Variants in RXRA observed in about 807,000 individuals in gnomAD.
The protein encoded by RXRA is retinoic acid receptor RXR-alpha.
Under a neutral mutation model 44.5 loss-of-function variants are expected in RXRA, and 5 were observed. The observed-to-expected ratio is 0.11, with a 90% CI of 0.06 to 0.24. RXRA has a LOEUF of 0.24. Among genes scored for constraint, RXRA ranks in the 10% least tolerant of loss-of-function variants. The pLI, the probability that RXRA is intolerant of heterozygous loss-of-function variation, is 1.00. For synonymous variants in RXRA, 291 were observed against 271.4 expected, an observed-to-expected ratio of 1.07 and a Z score of -0.71; for missense variants, 412 against 646.5, an observed-to-expected ratio of 0.64 and a Z score of 3.93.
At position 134,409,174 on chromosome 9, in the gene RXRA, C is replaced by T. The variant is rs558267358; in HGVS notation, c.610+55C>T. The T allele has an allele frequency of 1.5e-5, 22 of 1,473,282 alleles. 1 individual carries two copies. The South Asian group carries it at 2.8e-4, about 19-fold the overall frequency. 91.3% of individuals were successfully genotyped at this position (1,473,282 alleles called of 1,614,324 possible). On this transcript the variant is annotated intron_variant, in intron 4 of 9. Coordinates refer to ENST00000481739, the MANE Select transcript of RXRA (RefSeq NM_002957.6). ...GCAGGTGTTGGACAAACAGTGGGGC[C>T]CGGGCTTGTGCGTGGACACCCGAGA...
At chr9:134,398,564 A>G (rs10732638) in intron 1 of RXRA, among the ~76,000 whole-genome samples, 129,519 of 152,202 alleles carry the variant, frequency 0.85, 55,477 homozygotes, top group African/African-American at 0.95. Flanking sequence ...GGCTGGGAGC[A>G]GGGCCCAGGG....
At chr9:134,378,982 T>C (rs1349305817) in intron 1 of RXRA, among the ~76,000 whole-genome samples, 1 of 152,224 alleles carries the variant, frequency 6.6e-6, no homozygotes, top group Non-Finnish European at 1.5e-5. Context: ...AACACACGTC[T>C]CTTGCCTTCC....
chr9:134,402,021 G>A, intron 2 of RXRA, 139 bp downstream of exon 2: 1 of 731,622 alleles, frequency 1.4e-6, no homozygotes. Context: ...AGTATACAGA[G>A]CCTCGGGGAG....
chr9:134,420,816 C>T (rs552304290), intron 5 of RXRA, among the ~76,000 whole-genome samples: 13 of 152,346 alleles, frequency 8.5e-5, no homozygotes, highest in Admixed American at 7.8e-4. Flanking sequence ...GGGGCCTCCC[C>T]TCCTGCCCTG....
intron 1 of RXRA, among the ~76,000 whole-genome samples, chr9:134,382,304 TG>T (rs1830659153): frequency 6.6e-6 from 1 of 151,886 alleles, no homozygotes; most frequent in Non-Finnish European, 1.5e-5. Flanking sequence ...CGCTTTTGAC[TG>T]GGCTCGGAGG....
chr9:134,423,113 C>T, intron 6 of RXRA: 3 of 985,484 alleles, frequency 3.0e-6, no homozygotes, highest in Non-Finnish European at 3.6e-6. Flanking sequence ...GCTGGTCCCC[C>T]ACCTGGAAAG....
At chr9:134,423,095 C>T in intron 6 of RXRA, 1 of 985,488 alleles carries the variant, frequency 1.0e-6, no homozygotes, top group Non-Finnish European at 1.2e-6. Context: ...GGGCAGGCCC[C>T]CCGCAAAGCT....
chr9:134,406,929 T>C (rs1433077536), intron 2 of RXRA, among the ~76,000 whole-genome samples: 1 of 152,232 alleles, frequency 6.6e-6, no homozygotes, highest in East Asian at 1.9e-4. Flanking sequence ...CCTGTGGACA[T>C]GAACACTGGG....
chr9:134,374,374 C>G (rs559857601), intron 1 of RXRA, among the ~76,000 whole-genome samples: 1 of 152,174 alleles, frequency 6.6e-6, no homozygotes, highest in Non-Finnish European at 1.5e-5. Flanking sequence ...GGGCTGCTCC[C>G]GGCCTGAGGG....
At position 134,408,214 on chromosome 9, in the gene RXRA, C is replaced by T. The variant is rs1477030860; in HGVS notation, c.345C>T (p.Gly115=). ...TCAAGCCCCCCCTGGGCCTCAATGG[C>T]GTCCTCAAGGTCCCCGCCCACCCCT... ...EDIKPPLGLN[G]VLKVPAHPSG... The change falls in exon 3 of 10, where the codon GGC becomes GGT. Residue 115 remains glycine (G), a synonymous_variant. Transcript: ENST00000481739. 2 of 1,610,768 alleles carry T rather than the reference C, an allele frequency of 1.2e-6. No individual in the cohort carries two copies. Among genetic ancestry groups the T allele is most frequent in the South Asian group, 1.1e-5 (1 of 90,818 alleles).
intron 5 of RXRA, among the ~76,000 whole-genome samples, chr9:134,418,240 G>C (rs1831272847): frequency 6.6e-6 from 1 of 152,176 alleles, no homozygotes; most frequent in Admixed American, 6.5e-5. Flanking sequence ...TGTGCCCGGG[G>C]TTGGGCAGGT....
intron 1 of RXRA, among the ~76,000 whole-genome samples, chr9:134,333,909 G>A (rs1835046470): frequency 6.6e-6 from 1 of 152,212 alleles, no homozygotes; most frequent in African/African-American, 2.4e-5. Flanking sequence ...CTCTCCACCT[G>A]TGCAGGCTCA....
intron 1 of RXRA, among the ~76,000 whole-genome samples, chr9:134,358,878 C>T (rs938006902): frequency 2.6e-5 from 4 of 152,310 alleles, no homozygotes; most frequent in African/African-American, 4.8e-5. Context: ...CAGGAGTCCC[C>T]GGGGCCTGCT....
intron 8 of RXRA, among the ~76,000 whole-genome samples, chr9:134,432,406 A>G (rs1831546839): frequency 6.6e-6 from 1 of 152,156 alleles, no homozygotes; most frequent in Non-Finnish European, 1.5e-5. Flanking sequence ...GGTGTTCCAG[A>G]GGGGACCAAC....
At chr9:134,425,876 G>A (rs1359180640) in intron 6 of RXRA, 8 of 984,978 alleles carry the variant, frequency 8.1e-6, no homozygotes, top group South Asian at 4.7e-5. Context: ...ACCAGGAGTC[G>A]GTGTTATTAC....
chr9:134,328,184 C>T (rs1554746253), intron 1 of RXRA, among the ~76,000 whole-genome samples: 4 of 152,210 alleles, frequency 2.6e-5, no homozygotes, highest in African/African-American at 7.2e-5. Flanking sequence ...ACACACAGAG[C>T]TAGGCTCTCC....
At chr9:134,363,101 C>T (rs575716138) in intron 1 of RXRA, among the ~76,000 whole-genome samples, 1 of 152,350 alleles carries the variant, frequency 6.6e-6, no homozygotes, top group South Asian at 2.1e-4. Context: ...TCAGTAAGTT[C>T]ACTTTCCCCG....
chr9:134,329,483 C>A (rs2119005137), intron 1 of RXRA, among the ~76,000 whole-genome samples: 1 of 152,348 alleles, frequency 6.6e-6, no homozygotes, highest in South Asian at 2.1e-4. Context: ...TAGCCTCCAA[C>A]CTTGCCTAGG....
At chr9:134,429,385 C>A in intron 7 of RXRA, 145 bp downstream of exon 7, 1 of 910,424 alleles carries the variant, frequency 1.1e-6, no homozygotes, top group Non-Finnish European at 1.6e-6. Context: ...AAGAGAAAAG[C>A]ATGAGGAGGA....
Sources: allele counts gnomAD v4.1 joint callset (sites outside exome capture counted in the v4.1 genomes callset), GRCh38; gene constraint gnomAD v4.1.1; transcripts MANE v1.5; gene names NCBI Gene and HGNC (gene_info 2026-07-23, HGNC 2026-07-21).